Variants in AKAP6 observed in about 807,000 individuals in gnomAD.
AKAP6 encodes A-kinase anchoring protein 6.
Under a neutral mutation model 188.5 loss-of-function variants are expected in AKAP6, and 58 were observed. The ratio of observed to expected loss-of-function variants is 0.31; its 90% CI spans 0.25 to 0.38. The LOEUF (loss-of-function observed/expected upper bound fraction) is 0.38. AKAP6 is among the 10% of genes least tolerant of loss of function. The probability of loss-of-function intolerance (pLI) is 1.00; values close to 1 mark genes in which losing one functional copy is unlikely to be tolerated. For missense variants in AKAP6, 2,710 were observed against 2,740.0 expected (o/e 0.99, Z 0.24); for synonymous variants, 989 against 998.6 (o/e 0.99, Z 0.18).
chr14:32,755,563 T>C (rs1049277210), intron 11 of AKAP6, among the ~76,000 whole-genome samples: 2 of 151,946 alleles, frequency 1.3e-5, no homozygotes, highest in Non-Finnish European at 2.9e-5. Context: ...GATCTCACTC[T>C]CTCTCCCAGG....
chr14:32,684,561 T>G (rs1342272747), intron 8 of AKAP6, among the ~76,000 whole-genome samples: 1 of 152,180 alleles, frequency 6.6e-6, no homozygotes, highest in Non-Finnish European at 1.5e-5. Context: ...GGGTAAGTCA[T>G]GCATTCACTG....
intron 11 of AKAP6, among the ~76,000 whole-genome samples, chr14:32,753,455 T>C (rs1469516316): frequency 6.6e-6 from 1 of 152,198 alleles, no homozygotes; most frequent in East Asian, 1.9e-4. Flanking sequence ...GTAAATATTT[T>C]CTTCCATTCA....
Position 32,822,357 on chromosome 14 carries a change from C to A in AKAP6, c.4544C>A (p.Thr1515Asn). Residue 1515 changes from threonine to asparagine, a missense_variant, in exon 13 of 14, where the codon ACT becomes AAT. Transcript: ENST00000280979. ...AAATCATGCAAATCTAAACATCAGA[C>A]TACAGAGTTACAACCAGATGTACCT... The part of the protein sequence containing the change: ...DKKSCKSKHQ[T>N]TELQPDVPPH... The A allele has an allele frequency of 3.1e-6, 5 of 1,613,956 alleles. No individual in the cohort carries two copies. The highest frequency in any genetic ancestry group is 3.4e-6 in the Non-Finnish European group (4 of 1,179,924).
At chr14:32,366,706 CTG>C (rs140304888) in intron 1 of AKAP6, among the ~76,000 whole-genome samples, 10 of 150,348 alleles carry the variant, frequency 6.7e-5, no homozygotes, top group Non-Finnish European at 7.4e-5. Flanking sequence ...GTGTGTGTGT[CTG>C]TGTGTGTGTG....
intron 12 of AKAP6, among the ~76,000 whole-genome samples, chr14:32,805,196 A>G (rs1413205673): frequency 1.3e-5 from 2 of 152,178 alleles, no homozygotes; most frequent in East Asian, 3.9e-4. Flanking sequence ...AAATCTTCCC[A>G]ATTTATGTTC....
chr14:32,665,927 A>G (rs1357854250), intron 7 of AKAP6, among the ~76,000 whole-genome samples: 1 of 152,172 alleles, frequency 6.6e-6, no homozygotes, highest in African/African-American at 2.4e-5. Context: ...AGATGGACAC[A>G]TGTAGTGGGG....
At chr14:32,795,014 C>A (rs530371733) in intron 12 of AKAP6, among the ~76,000 whole-genome samples, 2 of 152,102 alleles carry the variant, frequency 1.3e-5, no homozygotes, top group Non-Finnish European at 2.9e-5. Flanking sequence ...CACCTCTATG[C>A]ACATAAACTA....
At chr14:32,455,901 A>G (rs1453073292) in intron 2 of AKAP6, among the ~76,000 whole-genome samples, 1 of 152,204 alleles carries the variant, frequency 6.6e-6, no homozygotes, top group Non-Finnish European at 1.5e-5. Context: ...GCATCTGCCT[A>G]GATAAATGGG....
chr14:32,633,894 G>A (rs1052443496), intron 7 of AKAP6, among the ~76,000 whole-genome samples: 10 of 151,946 alleles, frequency 6.6e-5, no homozygotes, highest in East Asian at 1.9e-4. Context: ...CTCCAATATC[G>A]TTCGTGTCAC....
At chr14:32,389,711 T>C (rs757334060) in intron 1 of AKAP6, among the ~76,000 whole-genome samples, 10 of 152,174 alleles carry the variant, frequency 6.6e-5, no homozygotes, top group Non-Finnish European at 1.5e-4. Context: ...TGCTGATAAA[T>C]CTGCTGTTAA....
chr14:32,449,541 A>G (rs986366268), intron 2 of AKAP6, among the ~76,000 whole-genome samples: 4 of 149,198 alleles, frequency 2.7e-5, no homozygotes, highest in African/African-American at 4.9e-5. Context: ...AAAAAAAAAA[A>G]GAAAAAGGAA....
In AKAP6 at chr14:32,822,801, C is replaced by T. The variant is rs754979646; in HGVS notation, c.4988C>T (p.Ser1663Phe). Residue 1663 changes from serine to phenylalanine, a missense_variant, in exon 13 of 14, where the codon TCC (serine) becomes TTC (phenylalanine). Transcript: ENST00000280979. ...TCTGATATCACTCTTCAAAGCAGTTCCCAAAAGATGTCCTTTACTGGCCAG... is the reference window on the plus strand; with the variant it reads ...TCTGATATCACTCTTCAAAGCAGTTTCCAAAAGATGTCCTTTACTGGCCAG... Reference protein sequence around the residue: ...SVSDITLQSSSQKMSFTGQMS... With the variant: ...SVSDITLQSSFQKMSFTGQMS... 6.2e-7 allele frequency: 1 copy of T among 1,613,922 alleles called. No homozygotes were observed. The highest frequency in any genetic ancestry group is 8.5e-7 in the Non-Finnish European group (1 of 1,179,932).
At chr14:32,422,855 T>C (rs1889898082) in intron 1 of AKAP6, among the ~76,000 whole-genome samples, 1 of 152,204 alleles carries the variant, frequency 6.6e-6, no homozygotes. Context: ...CCTCCATCTC[T>C]ACTTCCAGAG....
intron 1 of AKAP6, among the ~76,000 whole-genome samples, chr14:32,346,895 G>C (rs1401597934): frequency 6.6e-6 from 1 of 152,174 alleles, no homozygotes; most frequent in African/African-American, 2.4e-5. Context: ...AAAAAGTTTG[G>C]GGTGGTGATA....
intron 12 of AKAP6, among the ~76,000 whole-genome samples, chr14:32,803,813 A>G (rs1220542273): frequency 6.6e-6 from 1 of 152,204 alleles, no homozygotes; most frequent in Non-Finnish European, 1.5e-5. Context: ...TTTCAAACTC[A>G]GTTTGTCAAA....
intron 2 of AKAP6, among the ~76,000 whole-genome samples, chr14:32,475,826 C>T (rs897921821): frequency 1.5e-4 from 23 of 151,890 alleles, no homozygotes; most frequent in African/African-American, 4.8e-4. Context: ...TACAGGCGCC[C>T]GCCACCACGC....
chr14:32,389,875 T>G (rs947846064), intron 1 of AKAP6, among the ~76,000 whole-genome samples: 4 of 152,194 alleles, frequency 2.6e-5, no homozygotes, highest in African/African-American at 9.7e-5. Flanking sequence ...GTGCTTCTTG[T>G]ATTTGGATGT....
rs766769257 is a variant in AKAP6, at chr14:32,823,817, C to T, written c.6004C>T (p.Leu2002=). Reference sequence around the variant, plus strand: ...TAACAACAGACAAGACTCTGATGCACTGAAATCATCTGATGATGCACCGAG... The same window carrying T: ...TAACAACAGACAAGACTCTGATGCATTGAAATCATCTGATGATGCACCGAG... The part of the protein sequence containing the change: ...RFNNRQDSDA[L]KSSDDAPSMA... The change falls in exon 13 of 14, where the codon CTG becomes TTG. Residue 2002 remains leucine, a synonymous_variant. Transcript: ENST00000280979. 6.2e-7 allele frequency: 1 copy of T among 1,613,476 alleles called. No individual in the cohort carries two copies. Among genetic ancestry groups the T allele is most frequent in the South Asian group, 1.1e-5 (1 of 91,070 alleles).
At chr14:32,480,492 C>T (rs1282754202) in intron 2 of AKAP6, among the ~76,000 whole-genome samples, 4 of 152,112 alleles carry the variant, frequency 2.6e-5, no homozygotes, top group African/African-American at 9.7e-5. Flanking sequence ...CAGTTATGTG[C>T]TCTGATGTTG....
Sources: allele counts gnomAD v4.1 joint callset (sites outside exome capture counted in the v4.1 genomes callset), GRCh38; gene constraint gnomAD v4.1.1; transcripts MANE v1.5; gene names NCBI Gene and HGNC (gene_info 2026-07-23, HGNC 2026-07-21).